ATF7: variants seen among roughly 807,000 people sequenced by gnomAD.
ATF7 encodes activating transcription factor 7, also known as cyclic AMP-dependent transcription factor ATF-7.
ATF7 carries 10 observed loss-of-function variants against 50.4 expected under a neutral mutation model. The observed-to-expected ratio is 0.20, with a 90% CI of 0.12 to 0.34. The LOEUF (loss-of-function observed/expected upper bound fraction) is 0.34, where lower values mean the gene tolerates loss of function less well. Ranked by LOEUF, ATF7 falls within the 10% of genes least tolerant of loss-of-function variation. The pLI is 1.00. For missense variants in ATF7, 465 were observed against 613.9 expected (o/e 0.76, Z 2.56); for synonymous variants, 201 against 226.4 (o/e 0.89, Z 1.01).
intron 1 of ATF7, among the ~76,000 whole-genome samples, chr12:53,616,939 T>C (rs2137917517): frequency 7.0e-6 from 1 of 142,484 alleles, no homozygotes. Context: ...AGAACGACTC[T>C]GTCTCCAAAA....
chr12:53,538,324 C>A (rs1939340316), intron 4 of ATF7, among the ~76,000 whole-genome samples: 1 of 152,144 alleles, frequency 6.6e-6, no homozygotes, highest in Non-Finnish European at 1.5e-5. Flanking sequence ...TCAAGTACTG[C>A]AAACCAGATA....
At chr12:53,532,194 G>C (rs1020835791) in intron 8 of ATF7, among the ~76,000 whole-genome samples, 1 of 152,144 alleles carries the variant, frequency 6.6e-6, no homozygotes, top group African/African-American at 2.4e-5. Flanking sequence ...TGGTTACGCA[G>C]CTATTCACCT....
In ATF7 at chr12:53,531,783, G is replaced by A. The variant is rs371627262; in HGVS notation, c.888C>T (p.Leu296=). Reference sequence around the variant, plus strand: ...GGGATGGGGCATCAGGGTGCTGGATGAGAATCTGGCTCTGCTCTGGGCGGG... The same window carrying A: ...GGGATGGGGCATCAGGGTGCTGGATAAGAATCTGGCTCTGCTCTGGGCGGG... ...VTARPEQSQI[L]IQHPDAPSPA... is the part of the protein sequence containing the mutation. Residue 296 remains leucine, a synonymous_variant, in exon 9 of 12, where the codon CTC becomes CTT. Transcript: ENST00000420353. 1 of 1,612,350 alleles carries A rather than the reference G, an allele frequency of 6.2e-7. No individual in the cohort carries two copies.
chr12:53,553,319 A>G (rs1019978117), intron 2 of ATF7, among the ~76,000 whole-genome samples: 1 of 152,236 alleles, frequency 6.6e-6, no homozygotes, highest in Non-Finnish European at 1.5e-5. Flanking sequence ...TCAGCCATAA[A>G]AAGGCCAGTA....
intron 1 of ATF7, among the ~76,000 whole-genome samples, chr12:53,614,309 C>G (rs1185608299): frequency 6.6e-6 from 1 of 152,128 alleles, no homozygotes; most frequent in East Asian, 1.9e-4. Flanking sequence ...TATGTTTGGC[C>G]TCAGTGTGCA....
At chr12:53,556,211 C>T (rs770993478) in intron 2 of ATF7, among the ~76,000 whole-genome samples, 11 of 152,144 alleles carry the variant, frequency 7.2e-5, no homozygotes, top group Non-Finnish European at 1.2e-4. Context: ...TGCAGTGGCC[C>T]GGCCTTTTTA....
chr12:53,536,616 G>A (rs112165945), intron 5 of ATF7, among the ~76,000 whole-genome samples: 105 of 151,794 alleles, frequency 6.9e-4, no homozygotes, highest in African/African-American at 1.9e-3. Flanking sequence ...GGCCGGGCGC[G>A]GTGGCTCAAT....
chr12:53,562,730 C>A (rs544623380), intron 2 of ATF7, among the ~76,000 whole-genome samples: 62 of 152,128 alleles, frequency 4.1e-4, no homozygotes, highest in African/African-American at 1.3e-3. Context: ...ATCTTAAACA[C>A]CAGCTTTTTC....
intron 1 of ATF7, among the ~76,000 whole-genome samples, chr12:53,608,713 T>C (rs1303632542): frequency 6.6e-6 from 1 of 152,210 alleles, no homozygotes; most frequent in East Asian, 1.9e-4. Context: ...AAAAAAATTA[T>C]ATGCAAACAG....
chr12:53,549,723 C>T (rs144236565), intron 3 of ATF7, among the ~76,000 whole-genome samples: 1,638 of 152,174 alleles, frequency 0.011, 24 homozygotes, highest in African/African-American at 0.037. Context: ...GTAGCTGGGA[C>T]TACAGGCGCT....
chr12:53,598,011 T>C (rs762297291), intron 2 of ATF7, among the ~76,000 whole-genome samples: 1 of 152,088 alleles, frequency 6.6e-6, no homozygotes, highest in Non-Finnish European at 1.5e-5. Flanking sequence ...AGAAAGAACT[T>C]GAATCAATGA....
At chr12:53,550,048 G>A (rs1341330253) in intron 3 of ATF7, among the ~76,000 whole-genome samples, 2 of 151,952 alleles carry the variant, frequency 1.3e-5, no homozygotes, top group Non-Finnish European at 2.9e-5. Flanking sequence ...AAGGGCCCAG[G>A]GGGGCGGCTC....
At chr12:53,583,905 A>ACCAAAGAAAAAT (rs1942555956) in intron 2 of ATF7, among the ~76,000 whole-genome samples, 2 of 152,264 alleles carry the variant, frequency 1.3e-5, no homozygotes, top group African/African-American at 4.8e-5. Flanking sequence ...CAGACACTTC[A>ACCAAAGAAAAAT]CCAAAGAAAA....
chr12:53,577,788 C>T (rs1942181640), intron 2 of ATF7, among the ~76,000 whole-genome samples: 1 of 149,842 alleles, frequency 6.7e-6, no homozygotes, highest in Non-Finnish European at 1.5e-5. Context: ...TAAACAATAA[C>T]TAAAGCGATA....
At chr12:53,510,431 G>A (rs1333107009), downstream of ATF7, among the ~76,000 whole-genome samples, 2 of 152,206 alleles carry the variant, frequency 1.3e-5, no homozygotes, top group Admixed American at 6.5e-5. Flanking sequence ...ATCCTTGTCT[G>A]CTCCTGTGTG....
intron 6 of ATF7, among the ~76,000 whole-genome samples, chr12:53,533,932 G>T (rs1939057754): frequency 6.6e-6 from 1 of 152,152 alleles, no homozygotes; most frequent in Non-Finnish European, 1.5e-5. Flanking sequence ...AACTTCTAAT[G>T]TTTTAAGAGC....
chr12:53,545,982 C>T (rs1317274274), intron 3 of ATF7, among the ~76,000 whole-genome samples: 2 of 152,038 alleles, frequency 1.3e-5, no homozygotes, highest in African/African-American at 4.8e-5. Context: ...CACCTGAGGT[C>T]GGGAGTTTGA....
At chr12:53,560,289 C>T (rs1342403097) in intron 2 of ATF7, among the ~76,000 whole-genome samples, 3 of 150,322 alleles carry the variant, frequency 2.0e-5, no homozygotes, top group Non-Finnish European at 4.4e-5. Context: ...TTTTTTTTTG[C>T]AGGATAATTC....
rs770199312 is a variant in ATF7 at position 53,517,260 on chromosome 12, G to T, written c.1329C>A (p.Arg443=). ...ATAPSNGLSV[R]SAAEAVATSV... ...AGGTGGCCACAGCTTCAGCTGCAGA[G>T]CGAACACTGAGGCCATTGCTAGGGG... Residue 443 remains arginine (R), a synonymous_variant, in exon 12 of 12, where the codon CGC becomes CGA. Transcript: ENST00000420353. The T allele has an allele frequency of 2.5e-5, 40 of 1,613,944 alleles. No homozygotes were observed. Among genetic ancestry groups the T allele is most frequent in the Non-Finnish European group, 3.4e-5 (40 of 1,179,920 alleles).
Sources: gnomAD v4.1 joint callset for allele counts (sites outside exome capture counted in the v4.1 genomes callset) on GRCh38, gnomAD v4.1.1 for gene constraint, MANE v1.5 for transcripts, NCBI Gene and HGNC (gene_info 2026-07-23, HGNC 2026-07-21) for gene names.